The following HS1BP3 variants were observed in gnomAD, a reference collection of about 807,000 sequenced individuals.
HS1BP3 encodes HCLS1 binding protein 3.
HS1BP3 carries 32 observed loss-of-function variants against 33.5 expected under a neutral mutation model. The ratio of observed to expected loss-of-function variants is 0.95; its 90% confidence interval spans 0.72 to 1.28. The LOEUF (loss-of-function observed/expected upper bound fraction) is 1.28, where lower values mean the gene tolerates loss of function less well. Ranked by LOEUF, HS1BP3 falls within the 50% of genes most tolerant of loss-of-function variation. The probability of loss-of-function intolerance (pLI) is 0.00; values close to 1 mark genes in which losing one functional copy is unlikely to be tolerated. For missense variants in HS1BP3, 486 were observed against 502.3 expected, an observed-to-expected ratio of 0.97 and a Z score of 0.31; for synonymous variants, 187 against 209.2, an observed-to-expected ratio of 0.89 and a Z score of 0.92.
intron 1 of HS1BP3, among the ~76,000 whole-genome samples, chr2:20,648,090 TC>T (rs1695571549): frequency 1.3e-5 from 2 of 152,182 alleles, no homozygotes; most frequent in Non-Finnish European, 2.9e-5. Flanking sequence ...TCCGAGGCCC[TC>T]CCACCTACTG....
downstream of HS1BP3, chr2:20,591,333 G>A (rs1410410023): frequency 6.6e-5 from 11 of 165,660 alleles, no homozygotes; most frequent in Admixed American, 2.0e-4. Context: ...CCAAGGCCTC[G>A]CTTCTGCTTC....
intron 2 of HS1BP3, among the ~76,000 whole-genome samples, chr2:20,610,671 C>T (rs184735397): frequency 6.6e-6 from 1 of 152,218 alleles, no homozygotes; most frequent in South Asian, 2.1e-4. Flanking sequence ...AATTGTGAAT[C>T]AAGCTGCTAT....
intron 5 of HS1BP3, among the ~76,000 whole-genome samples, chr2:20,583,249 C>G (rs1490716101): frequency 6.6e-6 from 1 of 152,272 alleles, no homozygotes; most frequent in African/African-American, 2.4e-5. Flanking sequence ...TCCACAGAAA[C>G]CAGCTTTGGC....
chr2:20,631,406 T>G (rs1018366014), intron 4 of HS1BP3, among the ~76,000 whole-genome samples: 9 of 151,318 alleles, frequency 5.9e-5, no homozygotes, highest in Admixed American at 4.6e-4. Context: ...TTCCAGCTAT[T>G]TGAGAGGCTG....
chr2:20,597,272 C>A (rs13031724), intron 3 of HS1BP3, among the ~76,000 whole-genome samples: 2 of 152,076 alleles, frequency 1.3e-5, no homozygotes, highest in African/African-American at 4.8e-5. Context: ...AGAGTAACCA[C>A]GGCAACACCA....
chr2:20,598,259 G>A (rs1693988507), exon 3 of HS1BP3: 1 of 427,628 alleles, frequency 2.3e-6, no homozygotes, highest in Non-Finnish European at 4.8e-6. Flanking sequence ...CAACTAGATG[G>A]TCCCACCTTC....
At chr2:20,594,951 C>T (rs556604072) in intron 3 of HS1BP3, among the ~76,000 whole-genome samples, 12 of 152,280 alleles carry the variant, frequency 7.9e-5, no homozygotes, top group South Asian at 2.1e-4. Context: ...GGCCCCACCT[C>T]CCATACCCTC....
chr2:20,618,464 C>G lies in HS1BP3; in HGVS notation c.*523G>C, dbSNP rs530100514. 6.4e-6 allele frequency: 1 copy of G among 156,098 alleles called. No individual in the cohort carries two copies. Among genetic ancestry groups the G allele is most frequent in the African/African-American group, 2.4e-5 (1 of 41,478 alleles). The allele number at this position is 156,098 out of a possible 1,614,324, so 9.7% of individuals were successfully genotyped here. ...GAGTAATTTGGCTTGGGGACGTCCC[C>G]ACCCCAGGCCCAGGCCAGTCAGTCA... On this transcript the variant is annotated 3_prime_UTR_variant, in exon 7 of 7. Coordinates refer to ENST00000304031, the MANE Select transcript of HS1BP3 (RefSeq NM_022460.4).
At chr2:20,582,611 C>A (rs866195934) in intron 5 of HS1BP3, among the ~76,000 whole-genome samples, 60 of 152,106 alleles carry the variant, frequency 3.9e-4, no homozygotes, top group African/African-American at 1.3e-3. Flanking sequence ...TTTCTCTGCA[C>A]CCCCATCCTT....
At chr2:20,609,739 G>T (rs1694276420) in intron 2 of HS1BP3, among the ~76,000 whole-genome samples, 1 of 152,192 alleles carries the variant, frequency 6.6e-6, no homozygotes, top group Non-Finnish European at 1.5e-5. Flanking sequence ...AGGAACAAAG[G>T]CCAGTTGGTG....
intron 5 of HS1BP3, among the ~76,000 whole-genome samples, chr2:20,571,568 C>T (rs902402869): frequency 2.0e-5 from 3 of 152,228 alleles, no homozygotes; most frequent in Non-Finnish European, 2.9e-5. Flanking sequence ...GGAAAAACAG[C>T]GTGCCTCGGA....
intron 2 of HS1BP3, among the ~76,000 whole-genome samples, chr2:20,642,058 C>T (rs1003729361): frequency 6.6e-6 from 1 of 152,206 alleles, no homozygotes; most frequent in African/African-American, 2.4e-5. Flanking sequence ...TCCTCTATCA[C>T]CTGCTGTATG....
downstream of HS1BP3, among the ~76,000 whole-genome samples, chr2:20,588,831 C>T (rs1693743409): frequency 6.6e-6 from 1 of 152,216 alleles, no homozygotes; most frequent in African/African-American, 2.4e-5. Flanking sequence ...GCCTGAGGTC[C>T]CTCTAACCTC....
chr2:20,598,810 G>A (rs914166391), intron 2 of HS1BP3, among the ~76,000 whole-genome samples: 28 of 151,990 alleles, frequency 1.8e-4, no homozygotes, highest in Non-Finnish European at 5.9e-5. Context: ...CGCCCGCCTC[G>A]GCCTCCCAAA....
At chr2:20,610,190 G>A (rs979009391) in intron 2 of HS1BP3, among the ~76,000 whole-genome samples, 2 of 152,174 alleles carry the variant, frequency 1.3e-5, no homozygotes, top group South Asian at 4.1e-4. Context: ...ACATTTACCA[G>A]TGAACCTACA....
intron 4 of HS1BP3, among the ~76,000 whole-genome samples, chr2:20,629,806 C>T (rs1407753894): frequency 6.6e-6 from 1 of 152,238 alleles, no homozygotes; most frequent in Non-Finnish European, 1.5e-5. Flanking sequence ...GGCGGGCGTG[C>T]AGCATACGGG....
chr2:20,622,536 C>T, intron 6 of HS1BP3: 1 of 345,130 alleles, frequency 2.9e-6, no homozygotes, highest in East Asian at 7.4e-5. Flanking sequence ...CTTTTTGTGG[C>T]ATTTCCCCAA....
At chr2:20,575,690 G>T (rs73919910) in intron 5 of HS1BP3, among the ~76,000 whole-genome samples, 1 of 152,084 alleles carries the variant, frequency 6.6e-6, no homozygotes, top group African/African-American at 2.4e-5. Context: ...CCTTATCCAC[G>T]GGCCTGGCCC....
At chr2:20,577,967 C>T (rs1444687117) in intron 5 of HS1BP3, among the ~76,000 whole-genome samples, 8 of 152,254 alleles carry the variant, frequency 5.3e-5, no homozygotes, top group Non-Finnish European at 1.2e-4. Flanking sequence ...GTGACTTCAA[C>T]CCCCTTCACA....
Sources: allele counts gnomAD v4.1 joint callset (sites outside exome capture counted in the v4.1 genomes callset), GRCh38; gene constraint gnomAD v4.1.1; transcripts MANE v1.5; gene names NCBI Gene and HGNC (gene_info 2026-07-23, HGNC 2026-07-21).